The following TTLL5 variants were observed in gnomAD, a reference collection of about 807,000 sequenced individuals.
TTLL5 encodes tubulin tyrosine ligase like 5.
A neutral mutation model predicts 168.4 loss-of-function variants in TTLL5; 132 were observed. That is an observed-to-expected ratio of 0.78 (90% confidence interval 0.68 to 0.91). The LOEUF (loss-of-function observed/expected upper bound fraction) is 0.91, where lower values mean the gene tolerates loss of function less well. Ranked by LOEUF, TTLL5 falls within the 40% of genes least tolerant of loss-of-function variation. TTLL5 has a pLI of 0.00. For missense variants in TTLL5, 1,545 were observed against 1,581.5 expected (o/e 0.98, Z 0.39); for synonymous variants, 546 against 558.6 (o/e 0.98, Z 0.32).
chr14:75,911,307 A>T (rs995193889), intron 31 of TTLL5, among the ~76,000 whole-genome samples: 1 of 152,190 alleles, frequency 6.6e-6, no homozygotes, highest in African/African-American at 2.4e-5. Context: ...TGCTAGGATT[A>T]CAGGCATGAG....
chr14:75,785,165 G>A (rs1439298715), intron 26 of TTLL5, among the ~76,000 whole-genome samples: 9 of 147,982 alleles, frequency 6.1e-5, no homozygotes, highest in African/African-American at 2.2e-4. Flanking sequence ...AAGTGTCACA[G>A]AGATTTCCTC....
chr14:75,946,746 G>GA lies in TTLL5; in HGVS notation c.3824-7667dup, dbSNP rs957717999. ...GAGAATGTGGGAAATGTTCTAGAGAGAAAAAAAAAAACAACAACACAGTGA... is the reference window on the plus strand; with the variant it reads ...GAGAATGTGGGAAATGTTCTAGAGAGAAAAAAAAAAAACAACAACACAGTGA... On this transcript the variant is annotated intron_variant, in intron 31 of 31. Transcript: ENST00000298832. 5.5e-3 allele frequency among the ~76,000 whole-genome samples: 796 copies of GA among 143,680 alleles called. 2 individuals are homozygous for GA. Among genetic ancestry groups the GA allele is most frequent in the Middle Eastern group, 0.014 (4 of 278 alleles). 94.3% of individuals were successfully genotyped at this position (143,680 alleles called of 152,430 possible). A position where few individuals can be genotyped will look rare whatever the true frequency, so the allele number is the denominator to read the frequency against.
At chr14:75,767,775 G>A (rs1372809416) in intron 20 of TTLL5, among the ~76,000 whole-genome samples, 1 of 152,180 alleles carries the variant, frequency 6.6e-6, no homozygotes, top group East Asian at 1.9e-4. Flanking sequence ...TGAAACTAAA[G>A]GCAGGGGGGT....
chr14:75,743,437 G>A (rs1445959422), intron 15 of TTLL5, among the ~76,000 whole-genome samples: 1 of 151,878 alleles, frequency 6.6e-6, no homozygotes, highest in African/African-American at 2.4e-5. Context: ...GTGCCGGCAA[G>A]ATAGGCTTCA....
At chr14:75,914,033 A>AAATATATAT in intron 31 of TTLL5, among the ~76,000 whole-genome samples, 1 of 71,096 alleles carries the variant, frequency 1.4e-5, no homozygotes, top group Non-Finnish European at 2.1e-5. Flanking sequence ...AAAAAAAAAA[A>AAATATATAT]ATATATATAT....
At chr14:75,830,872 C>G (rs912189763) in intron 28 of TTLL5, among the ~76,000 whole-genome samples, 4 of 152,156 alleles carry the variant, frequency 2.6e-5, no homozygotes, top group African/African-American at 9.7e-5. Context: ...TGCAACCTTC[C>G]CTGATGTCCC....
chr14:75,952,541 A>G (rs1200313307), intron 31 of TTLL5, among the ~76,000 whole-genome samples: 1 of 152,240 alleles, frequency 6.6e-6, no homozygotes, highest in Admixed American at 6.5e-5. Flanking sequence ...AAATGAAAAC[A>G]TAGTTCAAAT....
chr14:75,863,932 A>AAAC, intron 29 of TTLL5, 70 bp downstream of exon 29: 1 of 1,287,354 alleles, frequency 7.8e-7, no homozygotes, highest in Non-Finnish European at 1.0e-6. Flanking sequence ...AAAAAAAAAA[A>AAAC]AAGGTCAGTG....
intron 26 of TTLL5, among the ~76,000 whole-genome samples, chr14:75,790,861 C>T (rs1892659841): frequency 6.7e-6 from 1 of 149,338 alleles, no homozygotes; most frequent in Admixed American, 6.6e-5. Flanking sequence ...CTTTGGGAGG[C>T]CAAGGCAGAC....
chr14:75,902,110 T>C, intron 30 of TTLL5, 32 bp from the exon 31 acceptor site: 2 of 1,610,658 alleles, frequency 1.2e-6, no homozygotes, highest in Non-Finnish European at 1.7e-6. Context: ...CCTTTCCGCC[T>C]GCAGGTCTGA....
intron 31 of TTLL5, among the ~76,000 whole-genome samples, chr14:75,922,912 T>C (rs1370061130): frequency 6.6e-6 from 1 of 152,196 alleles, no homozygotes; most frequent in Admixed American, 6.5e-5. Context: ...TCAGAGCCTG[T>C]TATTGGTCTA....
intron 28 of TTLL5, among the ~76,000 whole-genome samples, chr14:75,827,704 G>GTTATTTTTT (rs1566621341): frequency 1.1e-5 from 1 of 92,554 alleles, no homozygotes; most frequent in East Asian, 5.7e-4. Flanking sequence ...ATTTGGCTTG[G>GTTATTTTTT]TTCTTTTTTT....
rs1893679174 is a variant in TTLL5, at chr14:75,806,735, A to G, written c.3172-13272A>G. On this transcript the variant is annotated intron_variant, in intron 27 of 31. Transcript: ENST00000298832. Reference sequence around the variant, plus strand: ...TGAGGGCAGTGTCCTTTGCTGCCTCAGCACCTGACTCATTGGTAGTACTCA... The same window carrying G: ...TGAGGGCAGTGTCCTTTGCTGCCTCGGCACCTGACTCATTGGTAGTACTCA... Among the ~76,000 whole-genome samples, 4 of 152,322 alleles carry G rather than the reference A, an allele frequency of 2.6e-5. No homozygotes were observed. The South Asian group carries it at 6.2e-4, about 24-fold the overall frequency.
At chr14:75,940,624 T>G (rs2140192169) in intron 31 of TTLL5, among the ~76,000 whole-genome samples, 1 of 152,326 alleles carries the variant, frequency 6.6e-6, no homozygotes, top group Admixed American at 6.5e-5. Flanking sequence ...TATTAAGTAT[T>G]CTTATGCCAA....
intron 7 of TTLL5, among the ~76,000 whole-genome samples, chr14:75,706,611 A>G (rs1886675090): frequency 6.6e-6 from 1 of 152,210 alleles, no homozygotes; most frequent in South Asian, 2.1e-4. Context: ...CCTTCATTTA[A>G]GAATAGTAGT....
chr14:75,680,982 A>G (rs1884566694), intron 3 of TTLL5, among the ~76,000 whole-genome samples: 1 of 152,094 alleles, frequency 6.6e-6, no homozygotes, highest in Non-Finnish European at 1.5e-5. Context: ...CAGTCTGGAG[A>G]AGCCCATGGG....
intron 29 of TTLL5, among the ~76,000 whole-genome samples, chr14:75,864,697 T>C (rs564942278): frequency 2.6e-5 from 4 of 152,286 alleles, no homozygotes; most frequent in South Asian, 2.1e-4. Context: ...AGTGGGGTTA[T>C]TGGAATGAAT....
chr14:75,669,008 C>T (rs775180610), intron 2 of TTLL5, among the ~76,000 whole-genome samples: 2 of 152,156 alleles, frequency 1.3e-5, no homozygotes, highest in African/African-American at 2.4e-5. Context: ...GGTTGTTGCC[C>T]TTCCAGACTT....
chr14:75,710,669 C>T (rs1464581403), intron 9 of TTLL5: 1 of 152,174 alleles, frequency 6.6e-6, no homozygotes, highest in East Asian at 1.9e-4. Context: ...TTCAATGTGC[C>T]TAAGTTCTTG....
Sources: allele counts gnomAD v4.1 joint callset (sites outside exome capture counted in the v4.1 genomes callset), GRCh38; gene constraint gnomAD v4.1.1; transcripts MANE v1.5; gene names NCBI Gene and HGNC (gene_info 2026-07-23, HGNC 2026-07-21).